Variants in KIRREL3 observed in about 807,000 individuals in gnomAD.
KIRREL3 encodes the protein kirre like nephrin family adhesion molecule 3.
In KIRREL3, 36 loss-of-function variants were observed where a neutral mutation model predicts 89.7. The observed-to-expected ratio is 0.40, with a 90% CI of 0.31 to 0.53. The LOEUF is 0.53. Ranked by LOEUF, KIRREL3 falls within the 20% of genes least tolerant of loss-of-function variation. KIRREL3 has a pLI of 0.49. For synonymous variants in KIRREL3, 445 were observed against 441.4 expected, an observed-to-expected ratio of 1.01 and a Z score of -0.10; for missense variants, 864 against 1,056.6, an observed-to-expected ratio of 0.82 and a Z score of 2.53.
intron 13 of KIRREL3, among the ~76,000 whole-genome samples, chr11:126,433,610 C>T (rs1226796402): frequency 1.3e-5 from 2 of 152,112 alleles, no homozygotes; most frequent in African/African-American, 2.4e-5. Context: ...GGGAGGTGCT[C>T]GCATTGGTTC....
intron 1 of KIRREL3, among the ~76,000 whole-genome samples, chr11:126,670,525 C>T (rs950992816): frequency 3.9e-5 from 6 of 152,024 alleles, no homozygotes; most frequent in Non-Finnish European, 5.9e-5. Context: ...TCTTTATTCT[C>T]GGGTAACATA....
At chr11:126,693,893 C>G (rs1946982228) in intron 1 of KIRREL3, among the ~76,000 whole-genome samples, 1 of 152,238 alleles carries the variant, frequency 6.6e-6, no homozygotes, top group South Asian at 2.1e-4. Context: ...TCGGGCTCAG[C>G]CTCCTAGTCC....
rs938476440 is a variant in KIRREL3, at chr11:126,906,552, C to T, written c.55+93903G>A. ...CTCCAGCAGAGAAGTGGATAGGGAC[C>T]CCCCTGCCATGAAAAACAGCGTTGT... On this transcript the variant is annotated intron_variant, in intron 1 of 16. Coordinates refer to ENST00000525144, the MANE Select transcript of KIRREL3 (RefSeq NM_032531.4). This position sits in a 1 kb window ranked among gnomAD's most constrained non-coding sequence, Gnocchi z 4.1. Among the ~76,000 whole-genome samples the T allele has an allele frequency of 6.6e-6, 1 of 152,284 alleles. No individual in the cohort carries two copies. The highest frequency in any genetic ancestry group is 1.9e-4 in the East Asian group (1 of 5,186).
intron 1 of KIRREL3, among the ~76,000 whole-genome samples, chr11:126,916,917 G>T (rs1422564892): frequency 1.3e-5 from 2 of 152,202 alleles, no homozygotes; most frequent in African/African-American, 4.8e-5. Flanking sequence ...AAAGGGGACA[G>T]GATGTCCCCC....
intron 1 of KIRREL3, among the ~76,000 whole-genome samples, chr11:126,706,351 C>A (rs1947528548): frequency 6.6e-6 from 1 of 152,106 alleles, no homozygotes; most frequent in Admixed American, 6.5e-5. Context: ...AAATGTACAG[C>A]TATGTGTATA....
At position 126,521,594 on chromosome 11, in the gene KIRREL3, G is replaced by T; in HGVS notation, c.284-130C>A. 2 of 780,140 alleles carry T rather than the reference G, an allele frequency of 2.6e-6. No homozygotes were observed. Among genetic ancestry groups the T allele is most frequent in the Admixed American group, 2.6e-5 (1 of 37,894 alleles). The allele number at this position is 780,140 out of a possible 1,614,324, so 48.3% of individuals were successfully genotyped here. On this transcript the variant is annotated intron_variant, in intron 3 of 16. Transcript: ENST00000525144. The surrounding 1 kb of genome is among the most constrained non-coding windows in gnomAD (Gnocchi z 4.1). ...CTGGCAGAGCGGGTGATTGCTCAGGGCTCTGATCTCAGTGCAAGGAGCACA... is the reference window on the plus strand; with the variant it reads ...CTGGCAGAGCGGGTGATTGCTCAGGTCTCTGATCTCAGTGCAAGGAGCACA...
intron 1 of KIRREL3, among the ~76,000 whole-genome samples, chr11:126,770,232 C>T (rs993620815): frequency 1.6e-4 from 24 of 152,162 alleles, no homozygotes; most frequent in Non-Finnish European, 2.9e-4. Context: ...AGAATCTACC[C>T]GTTCACATCC....
At position 126,521,197 on chromosome 11, in the gene KIRREL3, C is replaced by T; in HGVS notation, c.433+118G>A. On this transcript the variant is annotated intron_variant, in intron 4 of 16. Transcript: ENST00000525144. The surrounding 1 kb of genome is among the most constrained non-coding windows in gnomAD (Gnocchi z 4.1). ...TTGTGGAAGCAGCAGTGTCTGGAGC[C>T]CTGTGGGATGATCCCCAGAGGGGAG... 2.7e-6 allele frequency: 3 copies of T among 1,108,598 alleles called. No individual in the cohort carries two copies. Among genetic ancestry groups the T allele is most frequent in the South Asian group, 2.0e-5 (1 of 49,318 alleles). The allele number at this position is 1,108,598 out of a possible 1,614,324, so 68.7% of individuals were successfully genotyped here.
rs1945075570 is a variant in KIRREL3 at position 126,655,077 on chromosome 11, G to C, written c.56-92165C>G. ...AGGTCTCACCCCACTGTGGGCAGGT[G>C]GTGGTGGAGCACATCTGTCTCTCTC... On this transcript the variant is annotated intron_variant, in intron 1 of 16. Transcript: ENST00000525144. The surrounding 1 kb of genome is among the most constrained non-coding windows in gnomAD (Gnocchi z 5.0). 6.6e-6 allele frequency among the ~76,000 whole-genome samples: 1 copy of C among 152,254 alleles called. No individual in the cohort carries two copies. The highest frequency in any genetic ancestry group is 2.1e-4 in the South Asian group (1 of 4,832).
At position 126,788,526 on chromosome 11, in the gene KIRREL3, C is replaced by T. The variant is rs1044019814; in HGVS notation, c.55+211929G>A. The stretch of plus-strand genomic sequence containing the variant: ...CAGTGCAGCCACTTCTCAGGGTATC[C>T]ACCTGGAGAGAAGCCTGCAGCATTA... On this transcript the variant is annotated intron_variant, in intron 1 of 16. Coordinates refer to ENST00000525144, the MANE Select transcript of KIRREL3 (RefSeq NM_032531.4). The surrounding 1 kb of genome is among the most constrained non-coding windows in gnomAD (Gnocchi z 4.1). 6.6e-6 allele frequency among the ~76,000 whole-genome samples: 1 copy of T among 152,192 alleles called. No individual in the cohort carries two copies. Among genetic ancestry groups the T allele is most frequent in the African/African-American group, 2.4e-5 (1 of 41,438 alleles).
chr11:126,779,572 A>G (rs1437293458), intron 1 of KIRREL3, among the ~76,000 whole-genome samples: 1 of 152,168 alleles, frequency 6.6e-6, no homozygotes, highest in African/African-American at 2.4e-5. Context: ...TTTTATGTGT[A>G]TATCTCCAGC....
At chr11:126,937,877 C>T (rs539069887) in intron 1 of KIRREL3, among the ~76,000 whole-genome samples, 15 of 152,182 alleles carry the variant, frequency 9.9e-5, no homozygotes, top group African/African-American at 2.6e-4. Context: ...CCAGCCTGGG[C>T]GACAGAGCGA....
intron 1 of KIRREL3, among the ~76,000 whole-genome samples, chr11:126,737,013 A>C (rs1465786290): frequency 6.6e-6 from 1 of 152,250 alleles, no homozygotes; most frequent in Admixed American, 6.5e-5. Flanking sequence ...TTCAGGGAAA[A>C]GCAAAAACAG....
intron 1 of KIRREL3, among the ~76,000 whole-genome samples, chr11:126,646,702 T>C (rs1326127281): frequency 6.6e-6 from 1 of 152,168 alleles, no homozygotes; most frequent in Non-Finnish European, 1.5e-5. Context: ...CTCGAACTCC[T>C]GACCTTGAGT....
intron 1 of KIRREL3, among the ~76,000 whole-genome samples, chr11:126,725,278 G>A (rs1012877262): frequency 6.6e-6 from 1 of 152,176 alleles, no homozygotes; most frequent in African/African-American, 2.4e-5. Context: ...CAGAGACTTA[G>A]CATCAGTGCC....
chr11:126,954,049 C>T lies in KIRREL3; in HGVS notation c.55+46406G>A, dbSNP rs1948850651. Among the ~76,000 whole-genome samples the T allele has an allele frequency of 6.6e-6, 1 of 152,010 alleles. No homozygotes were observed. Among genetic ancestry groups the T allele is most frequent in the African/African-American group, 2.4e-5 (1 of 41,402 alleles). ...AGGGGTGTGTGTGCACATGCGTGTG[C>T]ATGTGTACATGCGGGGTCTAATTCT... is the stretch of plus-strand genomic sequence containing the variant. On this transcript the variant is annotated intron_variant, in intron 1 of 16. Transcript: ENST00000525144. This position sits in a 1 kb window ranked among gnomAD's most constrained non-coding sequence, Gnocchi z 4.1.
At chr11:126,962,759 G>A (rs529893180) in intron 1 of KIRREL3, among the ~76,000 whole-genome samples, 1 of 152,112 alleles carries the variant, frequency 6.6e-6, no homozygotes, top group African/African-American at 2.4e-5. Context: ...AATTGATATG[G>A]CCAACTTCAC....
rs1157005140 is a variant in KIRREL3 at position 126,610,727 on chromosome 11, A to G, written c.56-47815T>C. 6.6e-6 allele frequency: 1 copy of G among 152,266 alleles called. No individual in the cohort carries two copies. The highest frequency in any genetic ancestry group is 2.1e-4 in the South Asian group (1 of 4,808). 9.4% of individuals were successfully genotyped at this position (152,266 alleles called of 1,614,324 possible). Reference sequence around the variant, plus strand: ...CTGGAGAAATCCATCCTTCCCTGGGATCTCTTGGAGGGCTCTCCATCTCTC... The same window carrying G: ...CTGGAGAAATCCATCCTTCCCTGGGGTCTCTTGGAGGGCTCTCCATCTCTC... On this transcript the variant is annotated intron_variant, in intron 1 of 16. Coordinates refer to ENST00000525144, the MANE Select transcript of KIRREL3 (RefSeq NM_032531.4). The surrounding 1 kb of genome is among the most constrained non-coding windows in gnomAD (Gnocchi z 4.6).
At chr11:126,534,594 C>A (rs995537667) in intron 2 of KIRREL3, among the ~76,000 whole-genome samples, 7 of 152,186 alleles carry the variant, frequency 4.6e-5, no homozygotes, top group Non-Finnish European at 8.8e-5. Context: ...CCAGCCTGTG[C>A]GTCTCCCCTG....
Sources: allele counts gnomAD v4.1 joint callset (sites outside exome capture counted in the v4.1 genomes callset), GRCh38; gene constraint gnomAD v4.1.1; non-coding constraint Gnocchi (gnomAD v3.1); transcripts MANE v1.5; gene names NCBI Gene and HGNC (gene_info 2026-07-23, HGNC 2026-07-21).